GNL2: variants seen among roughly 807,000 people sequenced by gnomAD.
GNL2 encodes G protein nucleolar 2.
In GNL2, 51 loss-of-function variants were observed where a neutral mutation model predicts 92.3. The observed-to-expected ratio is 0.55, with a 90% CI of 0.44 to 0.70. GNL2 has a LOEUF of 0.70. Ranked by LOEUF, GNL2 falls within the 30% of genes least tolerant of loss-of-function variation. GNL2 has a pLI of 0.00. For synonymous variants in GNL2, 283 were observed against 300.6 expected (o/e 0.94, Z 0.61); for missense variants, 844 against 895.6 (o/e 0.94, Z 0.74).
intron 4 of GNL2, among the ~76,000 whole-genome samples, chr1:37,589,466 G>A (rs553235153): frequency 2.7e-4 from 41 of 152,182 alleles, no homozygotes; most frequent in African/African-American, 9.2e-4. Context: ...CACCACGCCC[G>A]GCTAATTTTT....
intron 15 of GNL2, 71 bp from the exon 16 acceptor site, chr1:37,567,078 G>A: frequency 1.4e-6 from 2 of 1,476,308 alleles, no homozygotes; most frequent in South Asian, 1.2e-5. Context: ...CAAAACAGGA[G>A]TCTCTGCTTC....
In GNL2 at chr1:37,567,595, C is replaced by T. The variant is rs572529848; in HGVS notation, c.2043+78G>A. Reference sequence around the variant, plus strand: ...GGGGTTCTTGGGATTCAGCTCTGGACCATTTGTTTCAGTGGGTCTTGACAA... The same window carrying T: ...GGGGTTCTTGGGATTCAGCTCTGGATCATTTGTTTCAGTGGGTCTTGACAA... On this transcript the variant is annotated intron_variant, in intron 15 of 15. Coordinates refer to ENST00000373062, the MANE Select transcript of GNL2 (RefSeq NM_013285.3). 20 of 986,152 alleles carry T rather than the reference C, an allele frequency of 2.0e-5. No homozygotes were observed. The African/African-American group carries it at 2.9e-4, about 14-fold the overall frequency. 61.1% of individuals were successfully genotyped at this position (986,152 alleles called of 1,614,324 possible).
intron 8 of GNL2, among the ~76,000 whole-genome samples, chr1:37,578,460 T>G (rs1403625869): frequency 6.6e-6 from 1 of 150,964 alleles, no homozygotes; most frequent in African/African-American, 2.4e-5. Context: ...AAAAATTAAA[T>G]TAAATTAGAG....
At chr1:37,593,023 T>C (rs1643897190) in intron 2 of GNL2, among the ~76,000 whole-genome samples, 1 of 152,188 alleles carries the variant, frequency 6.6e-6, no homozygotes, top group Non-Finnish European at 1.5e-5. Context: ...TGATTTCTGC[T>C]AGATGAATAA....
intron 1 of GNL2, among the ~76,000 whole-genome samples, chr1:37,595,446 C>T (rs1014297820): frequency 6.6e-6 from 1 of 152,204 alleles, no homozygotes; most frequent in Non-Finnish European, 1.5e-5. Context: ...CATTTTTAAT[C>T]TGACTTTCTC....
chr1:37,571,845 C>T (rs1448301895), intron 12 of GNL2, among the ~76,000 whole-genome samples: 1 of 152,152 alleles, frequency 6.6e-6, no homozygotes, highest in Non-Finnish European at 1.5e-5. Flanking sequence ...CACACAGGGT[C>T]CCAAGACAGC....
intron 8 of GNL2, among the ~76,000 whole-genome samples, chr1:37,580,815 A>C (rs1427383429): frequency 6.6e-6 from 1 of 152,224 alleles, no homozygotes; most frequent in Non-Finnish European, 1.5e-5. Flanking sequence ...AGCGAAAATA[A>C]AAGCTTCGAT....
rs1277998486 is a variant in GNL2 at position 37,567,029 on chromosome 1, G to A, written c.2044-22C>T. 8 of 1,598,446 alleles carry A rather than the reference G, an allele frequency of 5.0e-6. No individual in the cohort carries two copies. The Admixed American group carries it at 5.3e-5, about 11-fold the overall frequency. ...TCCGCTGTAAAAAATGGCAAGAAAA[G>A]ATGAAGAAAAAAAACAACAAAACCC... On this transcript the variant is annotated intron_variant, in intron 15 of 15. Transcript: ENST00000373062.
At chr1:37,580,742 T>C (rs900655992) in intron 8 of GNL2, among the ~76,000 whole-genome samples, 1 of 152,198 alleles carries the variant, frequency 6.6e-6, no homozygotes, top group Admixed American at 6.5e-5. Flanking sequence ...CAGTTCCCAC[T>C]GTATCAGAGA....
At chr1:37,581,421 T>G in intron 8 of GNL2, 2 of 456,056 alleles carry the variant, frequency 4.4e-6, no homozygotes, top group Non-Finnish European at 8.8e-6. Context: ...ACCAGGGATC[T>G]GAAGCTTGAA....
intron 8 of GNL2, among the ~76,000 whole-genome samples, chr1:37,580,618 G>C (rs974320681): frequency 2.0e-5 from 3 of 152,236 alleles, no homozygotes; most frequent in African/African-American, 7.2e-5. Flanking sequence ...CTGGATGACA[G>C]TGAAAGGAAA....
In GNL2 at chr1:37,595,790, G is replaced by A. The variant is rs745406899; in HGVS notation, c.33C>T (p.Thr11=). 6.2e-7 allele frequency: 1 copy of A among 1,614,178 alleles called. No individual in the cohort carries two copies. The highest frequency in any genetic ancestry group is 8.5e-7 in the Non-Finnish European group (1 of 1,180,014). Residue 11 remains threonine, a synonymous_variant, in exon 1 of 16, where the codon ACC becomes ACT. Coordinates refer to ENST00000373062, the MANE Select transcript of GNL2 (RefSeq NM_013285.3). MVKPKYKGRS[T]INPSKASTNP... is the part of the protein sequence containing the mutation. ...TTGTGCTGGCCTTGGACGGGTTGAT[G>A]GTGCTCCGTCCTTTGTACTTGGGCT... is the stretch of plus-strand genomic sequence containing the variant.
chr1:37,595,615 C>T (rs12726638), intron 1 of GNL2, 144 bp downstream of exon 1: 11 of 708,982 alleles, frequency 1.6e-5, no homozygotes, highest in Admixed American at 9.6e-5. Context: ...TTTCCTTTTT[C>T]CCTTTTCATC....
intron 8 of GNL2, among the ~76,000 whole-genome samples, chr1:37,578,209 T>C (rs968991231): frequency 6.6e-6 from 1 of 151,968 alleles, no homozygotes; most frequent in Non-Finnish European, 1.5e-5. Flanking sequence ...GAGGCTGAGG[T>C]GGGCAGATCA....
chr1:37,590,283 T>C (rs1011848789), intron 4 of GNL2, among the ~76,000 whole-genome samples: 1 of 152,210 alleles, frequency 6.6e-6, no homozygotes, highest in Non-Finnish European at 1.5e-5. Flanking sequence ...TAATTTTGTA[T>C]TTTTAGTAGA....
At chr1:37,578,839 C>T (rs896068530) in intron 8 of GNL2, among the ~76,000 whole-genome samples, 3 of 152,152 alleles carry the variant, frequency 2.0e-5, no homozygotes, top group Admixed American at 1.3e-4. Flanking sequence ...GGATTATAGG[C>T]ATGAGCCACT....
At chr1:37,587,708 G>A (rs576210698) in intron 4 of GNL2, among the ~76,000 whole-genome samples, 27 of 152,284 alleles carry the variant, frequency 1.8e-4, no homozygotes, top group African/African-American at 6.5e-4. Context: ...AGTTCTGTAA[G>A]CTTCCTTGGA....
chr1:37,591,497 ATT>A (rs1643887226), intron 3 of GNL2, among the ~76,000 whole-genome samples: 1 of 145,504 alleles, frequency 6.9e-6, no homozygotes, highest in African/African-American at 2.6e-5. Context: ...CTTTATATAT[ATT>A]TACTCTTTTT....
intron 4 of GNL2, among the ~76,000 whole-genome samples, chr1:37,589,629 T>C (rs1643876348): frequency 6.6e-6 from 1 of 152,160 alleles, no homozygotes; most frequent in South Asian, 2.1e-4. Flanking sequence ...CACGTATGCA[T>C]GTCAATGTTT....
Sources: allele counts gnomAD v4.1 joint callset (sites outside exome capture counted in the v4.1 genomes callset), GRCh38; gene constraint gnomAD v4.1.1; transcripts MANE v1.5; gene names NCBI Gene and HGNC (gene_info 2026-07-23, HGNC 2026-07-21).